USP10: variants seen among roughly 807,000 people sequenced by gnomAD.
USP10 encodes the protein ubiquitin carboxyl-terminal hydrolase 10.
In USP10, 22 loss-of-function variants were observed where a neutral mutation model predicts 84.5. The observed-to-expected ratio is 0.26, with a 90% CI of 0.19 to 0.37. The LOEUF is 0.37. Among genes scored for constraint, USP10 ranks in the 10% least tolerant of loss-of-function variants. USP10 has a pLI of 1.00. For synonymous variants in USP10, 454 were observed against 387.6 expected, an observed-to-expected ratio of 1.17 and a Z score of -2.01; for missense variants, 1,019 against 998.9, an observed-to-expected ratio of 1.02 and a Z score of -0.27.
At chr16:84,744,238 A>G (rs894101832) in intron 3 of USP10, among the ~76,000 whole-genome samples, 1 of 152,178 alleles carries the variant, frequency 6.6e-6, no homozygotes, top group Non-Finnish European at 1.5e-5. Context: ...GTTAGTTGTC[A>G]TGATCTTTTA....
At chr16:84,768,849 T>C (rs1260164320) in intron 11 of USP10, among the ~76,000 whole-genome samples, 1 of 152,072 alleles carries the variant, frequency 6.6e-6, no homozygotes, top group Non-Finnish European at 1.5e-5. Context: ...TGTTACTCTT[T>C]GATTTGATCT....
chr16:84,744,097 T>G (rs1176934958), intron 3 of USP10, among the ~76,000 whole-genome samples: 6 of 152,080 alleles, frequency 3.9e-5, no homozygotes, highest in South Asian at 2.1e-4. Context: ...CTTTTTTTTT[T>G]GTTTTTAAAT....
intron 2 of USP10, among the ~76,000 whole-genome samples, chr16:84,736,334 G>C (rs1233236153): frequency 6.6e-6 from 1 of 152,204 alleles, no homozygotes; most frequent in Non-Finnish European, 1.5e-5. Flanking sequence ...TAAGATGAAA[G>C]AGCATTCTGC....
intron 1 of USP10, chr16:84,704,911 C>G: frequency 1.3e-6 from 2 of 1,535,512 alleles, no homozygotes; most frequent in Non-Finnish European, 8.7e-7. Context: ...GCCTGAATTC[C>G]TCGACTTTCC....
intron 1 of USP10, among the ~76,000 whole-genome samples, chr16:84,718,827 C>T (rs558880876): frequency 6.6e-6 from 1 of 151,924 alleles, no homozygotes; most frequent in South Asian, 2.1e-4. Flanking sequence ...GAGTCTTTCT[C>T]TGTCACCCAG....
chr16:84,767,550 C>T (rs1480909886), intron 10 of USP10, among the ~76,000 whole-genome samples: 2 of 152,074 alleles, frequency 1.3e-5, no homozygotes, highest in Admixed American at 6.6e-5. Flanking sequence ...TTTATTAGAA[C>T]AGGCTATGAT....
intron 1 of USP10, chr16:84,732,373 T>C (rs1460325690): frequency 2.7e-6 from 1 of 370,894 alleles, no homozygotes; most frequent in African/African-American, 2.2e-5. Context: ...AAATAATTAT[T>C]GATTAAATGA....
chr16:84,771,049 T>G (rs980116666), intron 11 of USP10, among the ~76,000 whole-genome samples: 18 of 110,378 alleles, frequency 1.6e-4, no homozygotes, highest in Non-Finnish European at 2.7e-4. Context: ...AGAGCGAGAC[T>G]GTCTCAAAAA....
chr16:84,761,515 C>T (rs910324459), intron 8 of USP10, among the ~76,000 whole-genome samples: 1 of 151,548 alleles, frequency 6.6e-6, no homozygotes, highest in African/African-American at 2.5e-5. Context: ...AGGAAACTTC[C>T]AGACTCCTCT....
intron 13 of USP10, among the ~76,000 whole-genome samples, chr16:84,776,823 A>G (rs900295380): frequency 1.3e-5 from 2 of 151,822 alleles, no homozygotes; most frequent in Non-Finnish European, 2.9e-5. Flanking sequence ...CTAACCCATT[A>G]TTTTTTTGAG....
At chr16:84,722,237 A>C (rs879435508) in intron 1 of USP10, among the ~76,000 whole-genome samples, 2 of 152,164 alleles carry the variant, frequency 1.3e-5, no homozygotes, top group African/African-American at 2.4e-5. Flanking sequence ...CACCTGACCC[A>C]ACTATTTAGA....
chr16:84,776,962 A>G (rs913443442), intron 13 of USP10, among the ~76,000 whole-genome samples: 2 of 152,194 alleles, frequency 1.3e-5, no homozygotes, highest in African/African-American at 4.8e-5. Flanking sequence ...ACAGCTGTGC[A>G]CCACCACATC....
At chr16:84,759,191 G>A in intron 5 of USP10, 172 bp from the exon 6 acceptor site, 3 of 651,898 alleles carry the variant, frequency 4.6e-6, no homozygotes, top group South Asian at 3.6e-5. Context: ...GACATCACAG[G>A]ACACTTACCC....
chr16:84,758,285 A>G (rs1360249070), intron 4 of USP10, among the ~76,000 whole-genome samples: 10 of 152,210 alleles, frequency 6.6e-5, no homozygotes, highest in African/African-American at 2.2e-4. Context: ...GCAGAGAGGA[A>G]TGAGACGTGG....
intron 1 of USP10, 33 bp downstream of exon 1, chr16:84,700,144 G>T: frequency 7.8e-7 from 1 of 1,288,586 alleles, no homozygotes; most frequent in Non-Finnish European, 1.0e-6. Flanking sequence ...GGCCGGAAGG[G>T]GCCCGAGCCC....
At chr16:84,760,324 C>T (rs1220586811) in intron 8 of USP10, 49 bp downstream of exon 8, 3 of 1,501,134 alleles carry the variant, frequency 2.0e-6, no homozygotes, top group Non-Finnish European at 2.7e-6. Context: ...CCTTTTGTTC[C>T]AGTGTTTGTG....
At chr16:84,700,185 T>G (rs1442854739) in intron 1 of USP10, 74 bp downstream of exon 1, 166 of 1,106,980 alleles carry the variant, frequency 1.5e-4, no homozygotes, top group Non-Finnish European at 1.7e-4. Flanking sequence ...CGGGCGGGCG[T>G]CCGCGCCCTG....
At chr16:84,719,526 C>T (rs1410288278) in intron 1 of USP10, among the ~76,000 whole-genome samples, 5 of 152,186 alleles carry the variant, frequency 3.3e-5, no homozygotes, top group African/African-American at 1.2e-4. Context: ...TAAGGTGTGG[C>T]CAGGTTCGAG....
At chr16:84,744,262 C>G (rs1365262596) in intron 3 of USP10, among the ~76,000 whole-genome samples, 1 of 151,994 alleles carries the variant, frequency 6.6e-6, no homozygotes, top group Non-Finnish European at 1.5e-5. Context: ...TTTAAGTTGT[C>G]CAAAATACAT....
Sources: gnomAD v4.1 joint callset for allele counts (sites outside exome capture counted in the v4.1 genomes callset) on GRCh38, gnomAD v4.1.1 for gene constraint, MANE v1.5 for transcripts, NCBI Gene and HGNC (gene_info 2026-07-23, HGNC 2026-07-21) for gene names.